The following APOL6 variants were observed in gnomAD, a reference collection of about 807,000 sequenced individuals.
The protein encoded by APOL6 is apolipoprotein L6.
APOL6 carries 1 observed loss-of-function variant against 2.4 expected under a neutral mutation model. That is an observed-to-expected ratio of 0.41 (90% CI 0.15 to 1.94). APOL6 has a LOEUF of 1.94. Among genes scored for constraint, APOL6 ranks in the 30% most tolerant of loss-of-function variants. APOL6 has a pLI of 0.30. For missense variants in APOL6, 438 were observed against 429.2 expected, an observed-to-expected ratio of 1.02 and a Z score of -0.18; for synonymous variants, 189 against 169.3, an observed-to-expected ratio of 1.12 and a Z score of -0.90.
Position 35,658,273 on chromosome 22 carries a change from A to G in APOL6, c.51-342A>G, listed in dbSNP as rs376070168. ...AGTTCTTTATCTTGAGTGGGGTTTTAACATTTCCCCACTGCCCCTCCTCTG... is the reference window on the plus strand; with the variant it reads ...AGTTCTTTATCTTGAGTGGGGTTTTGACATTTCCCCACTGCCCCTCCTCTG... On this transcript the variant is annotated intron_variant, in intron 2 of 2. Transcript: ENST00000409652. Among the ~76,000 whole-genome samples, 10 of 152,210 alleles carry G rather than the reference A, an allele frequency of 6.6e-5. 1 individual carries two copies. The highest frequency in any genetic ancestry group is 2.4e-4 in the African/African-American group (10 of 41,512).
At chr22:35,652,381 T>C (rs1219800279) in intron 1 of APOL6, among the ~76,000 whole-genome samples, 1 of 152,244 alleles carries the variant, frequency 6.6e-6, no homozygotes, top group Non-Finnish European at 1.5e-5. Flanking sequence ...TCTTTTGCTG[T>C]GCAGAAACTC....
intron 1 of APOL6, among the ~76,000 whole-genome samples, chr22:35,652,686 T>C (rs998901753): frequency 6.6e-6 from 1 of 152,246 alleles, no homozygotes; most frequent in African/African-American, 2.4e-5. Context: ...TTGTCAGGTT[T>C]GTCAAAGATC....
rs922181188 is a variant in APOL6, at chr22:35,663,199, C to G, written c.*3603C>G. On this transcript the variant is annotated 3_prime_UTR_variant, in exon 3 of 3. Coordinates refer to ENST00000409652, the MANE Select transcript of APOL6 (RefSeq NM_030641.4). ...TCTGAAGTGGTAGGAAAACAGCCAG[C>G]TTAAAAAACTTTTTTTAAATTTTAA... The G allele has an allele frequency of 6.6e-6, 1 of 152,254 alleles. No individual in the cohort carries two copies. Among genetic ancestry groups the G allele is most frequent in the South Asian group, 2.1e-4 (1 of 4,826 alleles). 9.4% of individuals were successfully genotyped at this position (152,254 alleles called of 1,614,324 possible).
intron 1 of APOL6, among the ~76,000 whole-genome samples, chr22:35,653,041 C>T (rs1451606545): frequency 6.6e-6 from 1 of 151,460 alleles, no homozygotes; most frequent in Non-Finnish European, 1.5e-5. Flanking sequence ...ATGGAATGTT[C>T]TTCCATTTGT....
chr22:35,668,195 T>C lies in APOL6; in HGVS notation c.*8599T>C, dbSNP rs184326923. 75 of 152,314 alleles carry C rather than the reference T, an allele frequency of 4.9e-4. No individual in the cohort carries two copies. The highest frequency in any genetic ancestry group is 1.7e-3 in the African/African-American group (69 of 41,558). 9.4% of individuals were successfully genotyped at this position (152,314 alleles called of 1,614,324 possible). A position where few individuals can be genotyped will look rare whatever the true frequency, so the allele number is the denominator to read the frequency against. ...AGAAAATTGTTATATCTACCTATAATCTAGAAGCCCCCACATCAAGTTGTT... is the reference window on the plus strand; with the variant it reads ...AGAAAATTGTTATATCTACCTATAACCTAGAAGCCCCCACATCAAGTTGTT... On this transcript the variant is annotated 3_prime_UTR_variant, in exon 3 of 3. Coordinates refer to ENST00000409652, the MANE Select transcript of APOL6 (RefSeq NM_030641.4).
chr22:35,663,936 G>A lies in APOL6; in HGVS notation c.*4340G>A, dbSNP rs564424241. On this transcript the variant is annotated 3_prime_UTR_variant, in exon 3 of 3. Transcript: ENST00000409652. Reference sequence around the variant, plus strand: ...ATATGTATGTATGTGTTGTGTACACGATGTTTTAGTGCTAAAAATATGTAA... The same window carrying A: ...ATATGTATGTATGTGTTGTGTACACAATGTTTTAGTGCTAAAAATATGTAA... 1.8e-4 allele frequency: 27 copies of A among 152,074 alleles called. 1 individual carries two copies. The highest frequency in any genetic ancestry group is 8.8e-5 in the Non-Finnish European group (6 of 68,008). The allele number at this position is 152,074 out of a possible 1,614,324, so 9.4% of individuals were successfully genotyped here.
intron 1 of APOL6, among the ~76,000 whole-genome samples, chr22:35,652,156 G>A (rs1309704278): frequency 6.6e-6 from 1 of 152,168 alleles, no homozygotes; most frequent in East Asian, 1.9e-4. Context: ...CAGTGATGAT[G>A]AGCATTTTTT....
intron 1 of APOL6, among the ~76,000 whole-genome samples, chr22:35,652,212 G>T (rs141662351): frequency 0.061 from 9,228 of 152,118 alleles, 370 homozygotes; most frequent in Non-Finnish European, 0.091. Flanking sequence ...AGAAGTGTCT[G>T]TTCATATCCT....
At chr22:35,652,356 GCT>G in intron 1 of APOL6, among the ~76,000 whole-genome samples, 1 of 152,154 alleles carries the variant, frequency 6.6e-6, no homozygotes, top group South Asian at 2.1e-4. Context: ...TTGCCTGTTC[GCT>G]CTGATGGTAG....
At chr22:35,651,303 T>C (rs1409798774) in intron 1 of APOL6, among the ~76,000 whole-genome samples, 1 of 152,180 alleles carries the variant, frequency 6.6e-6, no homozygotes, top group Non-Finnish European at 1.5e-5. Flanking sequence ...CTGTGCCTTT[T>C]GCAGCCTCGG....
chr22:35,659,853 C>G lies in APOL6; in HGVS notation c.*257C>G. The G allele has an allele frequency of 2.1e-6, 1 of 486,502 alleles. No individual in the cohort carries two copies. The highest frequency in any genetic ancestry group is 1.9e-5 in the African/African-American group (1 of 52,134). The allele number at this position is 486,502 out of a possible 1,614,324, so 30.1% of individuals were successfully genotyped here. On this transcript the variant is annotated 3_prime_UTR_variant, in exon 3 of 3. Coordinates refer to ENST00000409652, the MANE Select transcript of APOL6 (RefSeq NM_030641.4). Reference sequence around the variant, plus strand: ...TAATCTCGGCTCACTGCAACCTCTGCCTCCTGAGTGCAAGCAAGTCTCCTG... The same window carrying G: ...TAATCTCGGCTCACTGCAACCTCTGGCTCCTGAGTGCAAGCAAGTCTCCTG...
chr22:35,651,553 C>T (rs1180094409), intron 1 of APOL6, among the ~76,000 whole-genome samples: 2 of 152,154 alleles, frequency 1.3e-5, no homozygotes, highest in African/African-American at 4.8e-5. Context: ...CCCACTCCCC[C>T]CACCCCACAA....
At position 35,659,368 on chromosome 22, in the gene APOL6, G is replaced by A. The variant is rs138269979; in HGVS notation, c.804G>A (p.Ala268=). Residue 268 remains alanine (A), a synonymous_variant, in exon 3 of 3, where the codon GCG becomes GCA. Transcript: ENST00000409652. ...AGGAAGGAGCAAGGACAAAGTTTGC[G>A]GAAGAGTTGAGAGCCAAGGCCTTGG... is the stretch of plus-strand genomic sequence containing the variant. The part of the protein sequence containing the change: ...HLKEGARTKF[A]EELRAKALEL... The A allele has an allele frequency of 5.0e-3, 8,085 of 1,614,120 alleles. 36 individuals carry two copies. The highest frequency in any genetic ancestry group is 6.3e-3 in the Non-Finnish European group (7,378 of 1,180,016).
In APOL6 at chr22:35,658,858, T is replaced by C. The variant is rs1924923078; in HGVS notation, c.294T>C (p.Leu98=). ...TGATGAGCCTCCTGGGTTTAGCCCT[T>C]GCCCCAGCAACAGGAGGAGGAAGCC... ...SGVMSLLGLA[L]APATGGGSLL... is the part of the protein sequence containing the mutation. Residue 98 remains leucine (L), a synonymous_variant, in exon 3 of 3, where the codon CTT becomes CTC. Coordinates refer to ENST00000409652, the MANE Select transcript of APOL6 (RefSeq NM_030641.4). 4 of 1,614,160 alleles carry C rather than the reference T, an allele frequency of 2.5e-6. No homozygotes were observed. Among genetic ancestry groups the C allele is most frequent in the Non-Finnish European group, 3.4e-6 (4 of 1,180,032 alleles).
Position 35,656,417 on chromosome 22 carries a change from C to T in APOL6, c.-9C>T, listed in dbSNP as rs1271178187. ...TCCTGGGGACACAGATTTGCTGCCA[C>T]AGAGGCTGATGGACAACCAGGCGGA... is the stretch of plus-strand genomic sequence containing the variant. On this transcript the variant is annotated 5_prime_UTR_variant, in exon 2 of 3. Coordinates refer to ENST00000409652, the MANE Select transcript of APOL6 (RefSeq NM_030641.4). 2.5e-6 allele frequency: 4 copies of T among 1,614,122 alleles called. No individual in the cohort carries two copies. The South Asian group carries it at 4.4e-5, about 18-fold the overall frequency.
chr22:35,654,095 A>G (rs1435638794), intron 1 of APOL6, among the ~76,000 whole-genome samples: 1 of 152,256 alleles, frequency 6.6e-6, no homozygotes, highest in East Asian at 1.9e-4. Flanking sequence ...ATATGGGGGA[A>G]GAGACATGGA....
At chr22:35,658,267 G>T (rs1924901098) in intron 2 of APOL6, among the ~76,000 whole-genome samples, 1 of 152,052 alleles carries the variant, frequency 6.6e-6, no homozygotes, top group South Asian at 2.1e-4. Flanking sequence ...TCTTGAGTGG[G>T]GTTTTAACAT....
chr22:35,656,880 G>A (rs796639090), intron 2 of APOL6, among the ~76,000 whole-genome samples: 23 of 152,306 alleles, frequency 1.5e-4, no homozygotes, highest in African/African-American at 5.5e-4. Context: ...ATCAGCAGAC[G>A]TAGCACCACC....
chr22:35,656,380 A>G lies in APOL6; in HGVS notation c.-46A>G. 6.2e-7 allele frequency: 1 copy of G among 1,612,686 alleles called. No individual in the cohort carries two copies. The highest frequency in any genetic ancestry group is 1.7e-5 in the Admixed American group (1 of 60,012). ...TTGTTTTTCTACATTCCTGACCAGA[A>G]AATCATTTGACTCCTGGGGACACAG... On this transcript the variant is annotated splice_region_variant and 5_prime_UTR_variant, in exon 2 of 3. Transcript: ENST00000409652.
Sources: allele counts gnomAD v4.1 joint callset (sites outside exome capture counted in the v4.1 genomes callset), GRCh38; gene constraint gnomAD v4.1.1; transcripts MANE v1.5; gene names NCBI Gene and HGNC (gene_info 2026-07-23, HGNC 2026-07-21).